The following ALLC variants were observed in gnomAD, a reference collection of about 807,000 sequenced individuals.
ALLC encodes the protein allantoicase.
Under a neutral mutation model 45.0 loss-of-function variants are expected in ALLC, and 40 were observed. The ratio of observed to expected loss-of-function variants is 0.89; its 90% CI spans 0.69 to 1.16. The LOEUF is 1.16. ALLC is among the 50% of genes most tolerant of loss of function. The pLI, the probability that ALLC is intolerant of heterozygous loss-of-function variation, is 0.00. For missense variants in ALLC, 488 were observed against 493.1 expected (o/e 0.99, Z 0.10); for synonymous variants, 176 against 178.1 (o/e 0.99, Z 0.09).
intron 1 of ALLC, among the ~76,000 whole-genome samples, chr2:3,665,967 ATC>A (rs1366251291): frequency 1.3e-5 from 2 of 152,076 alleles, no homozygotes; most frequent in Non-Finnish European, 2.9e-5. Context: ...CTTTCTTTTG[ATC>A]TCTTTCTCTG....
chr2:3,684,687 A>ACT, intron 7 of ALLC, among the ~76,000 whole-genome samples: 1 of 152,320 alleles, frequency 6.6e-6, no homozygotes, highest in South Asian at 2.1e-4. Flanking sequence ...CATTTAGAAT[A>ACT]ATGGTCTCCA....
chr2:3,671,741 C>T (rs1666877874), intron 2 of ALLC, among the ~76,000 whole-genome samples: 1 of 148,502 alleles, frequency 6.7e-6, no homozygotes, highest in Non-Finnish European at 1.5e-5. Flanking sequence ...ATGGGAGGTC[C>T]TCTGGCTCTG....
chr2:3,668,843 T>G (rs1283226569), intron 1 of ALLC, among the ~76,000 whole-genome samples: 1 of 151,728 alleles, frequency 6.6e-6, no homozygotes, highest in African/African-American at 2.4e-5. Flanking sequence ...CCCAAAGTGT[T>G]GGGATTACAG....
rs969962591 is a variant in ALLC at position 3,680,986 on chromosome 2, TA to T, written c.299-640del. 1.9e-4 allele frequency among the ~76,000 whole-genome samples: 29 copies of T among 152,086 alleles called. No homozygotes were observed. The highest frequency in any genetic ancestry group is 3.4e-4 in the African/African-American group (14 of 41,466). Reference sequence around the variant, plus strand: ...ATCTGATGTTGACTTTAGCATTAATTAAAAAAAATATACAATTATGTGTGTG... The same window carrying T: ...ATCTGATGTTGACTTTAGCATTAATTAAAAAAATATACAATTATGTGTGTG... On this transcript the variant is annotated intron_variant, in intron 5 of 11. Coordinates refer to ENST00000252505, the MANE Select transcript of ALLC (RefSeq NM_018436.4). The surrounding 1 kb of genome is among the most constrained non-coding windows in gnomAD (Gnocchi z 4.0).
At chr2:3,687,481 C>T (rs1667359765) in intron 7 of ALLC, among the ~76,000 whole-genome samples, 1 of 150,888 alleles carries the variant, frequency 6.6e-6, no homozygotes, top group Admixed American at 6.6e-5. Flanking sequence ...ACTCCTGCTT[C>T]AATTTTCTTG....
chr2:3,657,499 G>A (rs1415119950), upstream of ALLC, among the ~76,000 whole-genome samples: 4 of 152,028 alleles, frequency 2.6e-5, no homozygotes, highest in East Asian at 1.9e-4. Flanking sequence ...AGGTGACCTC[G>A]GGTGGCTTTC....
intron 8 of ALLC, 98 bp downstream of exon 8, chr2:3,695,970 C>A: frequency 8.0e-7 from 1 of 1,253,282 alleles, no homozygotes; most frequent in Non-Finnish European, 1.1e-6. Context: ...AAAGGCACAT[C>A]TCAAAGCACA....
At chr2:3,663,787 A>T (rs995745921) in intron 1 of ALLC, among the ~76,000 whole-genome samples, 1 of 152,152 alleles carries the variant, frequency 6.6e-6, no homozygotes, top group Non-Finnish European at 1.5e-5. Flanking sequence ...GAAATAATGG[A>T]TCCTTTTCTA....
chr2:3,701,962 G>A (rs1295476431), intron 11 of ALLC, among the ~76,000 whole-genome samples: 3 of 152,200 alleles, frequency 2.0e-5, no homozygotes, highest in Admixed American at 1.3e-4. Context: ...TGGATGCTCT[G>A]AGATATTCCA....
intron 2 of ALLC, among the ~76,000 whole-genome samples, chr2:3,672,951 C>G (rs938703872): frequency 1.3e-5 from 2 of 151,946 alleles, no homozygotes; most frequent in African/African-American, 4.8e-5. Flanking sequence ...AAGCTACACT[C>G]TAGCAGGGAG....
At chr2:3,678,360 A>G in intron 3 of ALLC, 108 bp from the exon 4 acceptor site, 1 of 884,218 alleles carries the variant, frequency 1.1e-6, no homozygotes, top group Non-Finnish European at 1.8e-6. Context: ...GCTCCCCTAG[A>G]CCCCGGTTTG....
In ALLC at chr2:3,688,323, G is replaced by A. The variant is rs1667384342; in HGVS notation, c.511+5249G>A. 2 of 159,372 alleles carry A rather than the reference G, an allele frequency of 1.3e-5. 1 individual carries two copies. The highest frequency in any genetic ancestry group is 4.8e-5 in the African/African-American group (2 of 41,376). The allele number at this position is 159,372 out of a possible 1,614,324, so 9.9% of individuals were successfully genotyped here. ...CTAGTGAGCTTCCATTCAGCTTGGG[G>A]ATGACCTTTCCAACAGCTTTGGCAG... On this transcript the variant is annotated intron_variant, in intron 7 of 11. Transcript: ENST00000252505.
intron 3 of ALLC, among the ~76,000 whole-genome samples, chr2:3,676,315 A>T (rs1208423677): frequency 6.6e-6 from 1 of 152,216 alleles, no homozygotes; most frequent in African/African-American, 2.4e-5. Context: ...TCTCGCTGTG[A>T]TCAGGCTGTC....
chr2:3,660,565 A>T (rs1342561466), intron 1 of ALLC, among the ~76,000 whole-genome samples: 2 of 151,950 alleles, frequency 1.3e-5, no homozygotes, highest in Non-Finnish European at 2.9e-5. Flanking sequence ...CGGCAAGACC[A>T]TTTACTGCTA....
intron 4 of ALLC, among the ~76,000 whole-genome samples, chr2:3,679,399 G>T (rs932146406): frequency 6.6e-6 from 1 of 152,156 alleles, no homozygotes; most frequent in Non-Finnish European, 1.5e-5. Context: ...GAGCTTGAGA[G>T]GACAATGAAC....
chr2:3,680,069 A>C lies in ALLC; in HGVS notation c.298+75A>C. On this transcript the variant is annotated intron_variant, in intron 5 of 11. Transcript: ENST00000252505. This position sits in a 1 kb window ranked among gnomAD's most constrained non-coding sequence, Gnocchi z 4.0. ...TCCTCTGGCCAGCCACAGCCCCACA[A>C]CTGCTCACTTTCCCTACCACCCAGA... 1 of 1,590,830 alleles carries C rather than the reference A, an allele frequency of 6.3e-7. No homozygotes were observed. The highest frequency in any genetic ancestry group is 1.7e-5 in the Admixed American group (1 of 59,510).
At chr2:3,674,052 T>G in intron 2 of ALLC, 23 bp from the exon 3 acceptor site, 3 of 1,444,644 alleles carry the variant, frequency 2.1e-6, no homozygotes, top group Non-Finnish European at 2.8e-6. Context: ...GCTTTATCTT[T>G]CTTTCTTTCT....
rs926313179 is a variant in ALLC, at chr2:3,700,017, AT to A, written c.851-1487del. Among the ~76,000 whole-genome samples, 14 of 151,510 alleles carry A rather than the reference AT, an allele frequency of 9.2e-5. No individual in the cohort carries two copies. In the East Asian group the frequency reaches 1.6e-3, roughly 17 times the overall value. On this transcript the variant is annotated intron_variant, in intron 10 of 11. Coordinates refer to ENST00000252505, the MANE Select transcript of ALLC (RefSeq NM_018436.4). ...TTAGTTTAATTAGATCCCATTTGTC[AT>A]TTTTTTTGCTTTTGTTGCAATTGTT...
rs1355833938 is a variant in ALLC at position 3,702,506 on chromosome 2, G to A, written c.1119G>A (p.Leu373=). The A allele has an allele frequency of 6.2e-7, 1 of 1,609,782 alleles. No individual in the cohort carries two copies. Among genetic ancestry groups the A allele is most frequent in the South Asian group, 1.1e-5 (1 of 90,718 alleles). The change falls in exon 12 of 12, where the codon CTG becomes CTA. Residue 373 remains leucine (L), a synonymous_variant. Coordinates refer to ENST00000252505, the MANE Select transcript of ALLC (RefSeq NM_018436.4). ...LRGFPSSICL[L]RPREKPMLKF... is the part of the protein sequence containing the mutation. Reference sequence around the variant, plus strand: ...GCTTCCCCAGCTCCATCTGCCTCCTGAGGCCCCGGGAGAAGCCCATGTTGA... The same window carrying A: ...GCTTCCCCAGCTCCATCTGCCTCCTAAGGCCCCGGGAGAAGCCCATGTTGA...
Sources: gnomAD v4.1 joint callset for allele counts (sites outside exome capture counted in the v4.1 genomes callset) on GRCh38, gnomAD v4.1.1 for gene constraint, Gnocchi (gnomAD v3.1) non-coding constraint, MANE v1.5 for transcripts, NCBI Gene and HGNC (gene_info 2026-07-23, HGNC 2026-07-21) for gene names.